Variants in WDR70 observed in about 807,000 individuals in gnomAD.
WDR70 encodes WD repeat domain 70, also known as WD repeat-containing protein 70.
In WDR70, 53 loss-of-function variants were observed where a neutral mutation model predicts 88.6. The observed-to-expected ratio is 0.60, with a 90% CI of 0.48 to 0.75. WDR70 has a LOEUF of 0.75. Ranked by LOEUF, WDR70 falls within the 30% of genes least tolerant of loss-of-function variation. The pLI, the probability that WDR70 is intolerant of heterozygous loss-of-function variation, is 0.00. For missense variants in WDR70, 610 were observed against 823.2 expected, an observed-to-expected ratio of 0.74 and a Z score of 3.17; for synonymous variants, 280 against 270.0, an observed-to-expected ratio of 1.04 and a Z score of -0.36.
intron 10 of WDR70, among the ~76,000 whole-genome samples, chr5:37,637,395 A>C (rs957605128): frequency 4.6e-5 from 7 of 151,580 alleles, no homozygotes; most frequent in Admixed American, 3.9e-4. Context: ...TATAAATAGT[A>C]TTTTAATCTT....
intron 5 of WDR70, among the ~76,000 whole-genome samples, chr5:37,417,805 G>T (rs1030094383): frequency 6.6e-6 from 1 of 152,078 alleles, no homozygotes; most frequent in African/African-American, 2.4e-5. Context: ...CCTTGGCCTC[G>T]CAAAGTCCTG....
Position 37,645,656 on chromosome 5 carries a change from G to A in WDR70, c.1092+40418G>A, listed in dbSNP as rs553583506. On this transcript the variant is annotated intron_variant, in intron 10 of 17. Transcript: ENST00000265107. ...GCTATATACATCTGGGTGCTCCAAT[G>A]TTGGGTGCATATATATTTATAATTG... is the stretch of plus-strand genomic sequence containing the variant. Among the ~76,000 whole-genome samples, 431 of 152,100 alleles carry A rather than the reference G, an allele frequency of 2.8e-3. 3 individuals carry two copies. Among genetic ancestry groups the A allele is most frequent in the African/African-American group, 9.9e-3 (412 of 41,554 alleles).
At chr5:37,456,496 G>C (rs2112093110) in intron 7 of WDR70, among the ~76,000 whole-genome samples, 1 of 152,210 alleles carries the variant, frequency 6.6e-6, no homozygotes, top group South Asian at 2.1e-4. Context: ...TGCTTAGATA[G>C]AAAGAGTTCC....
intron 15 of WDR70, chr5:37,723,890 G>C (rs1208934969): frequency 6.6e-6 from 1 of 152,142 alleles, no homozygotes; most frequent in African/African-American, 2.4e-5. Context: ...CTGAGTGACG[G>C]GTGGCTATGT....
At chr5:37,735,144 G>C (rs1748264240) in intron 17 of WDR70, among the ~76,000 whole-genome samples, 1 of 152,006 alleles carries the variant, frequency 6.6e-6, no homozygotes, top group South Asian at 2.1e-4. Flanking sequence ...AGTCTATTCT[G>C]AGTTTTCTGA....
At chr5:37,591,084 GC>G (rs902891161) in intron 9 of WDR70, among the ~76,000 whole-genome samples, 1 of 152,164 alleles carries the variant, frequency 6.6e-6, no homozygotes, top group Non-Finnish European at 1.5e-5. Context: ...CCCTGTAATT[GC>G]ACTCTGGGAG....
intron 10 of WDR70, among the ~76,000 whole-genome samples, chr5:37,668,342 A>G (rs1224180961): frequency 6.6e-6 from 1 of 152,194 alleles, no homozygotes; most frequent in Non-Finnish European, 1.5e-5. Flanking sequence ...ATGATTCTGT[A>G]TGATGTCTGA....
intron 10 of WDR70, among the ~76,000 whole-genome samples, chr5:37,608,943 C>G (rs1046969665): frequency 6.6e-6 from 1 of 152,168 alleles, no homozygotes; most frequent in African/African-American, 2.4e-5. Flanking sequence ...GCTGTATTCC[C>G]AGAGCAAAGA....
chr5:37,740,755 A>G (rs541841491), intron 17 of WDR70, among the ~76,000 whole-genome samples: 2 of 152,326 alleles, frequency 1.3e-5, no homozygotes, highest in Admixed American at 6.5e-5. Context: ...GATATGAGAA[A>G]TATTTTCCCA....
chr5:37,416,875 A>G (rs1749773094), intron 5 of WDR70, among the ~76,000 whole-genome samples: 1 of 152,156 alleles, frequency 6.6e-6, no homozygotes, highest in Non-Finnish European at 1.5e-5. Context: ...GTGCCCAGCC[A>G]CAGTTACTCT....
chr5:37,448,518 G>A (rs1738569793), intron 7 of WDR70, among the ~76,000 whole-genome samples: 1 of 152,048 alleles, frequency 6.6e-6, no homozygotes, highest in Non-Finnish European at 1.5e-5. Context: ...AAATTACAAG[G>A]TCACTTTGAT....
intron 9 of WDR70, among the ~76,000 whole-genome samples, chr5:37,565,135 A>G (rs946551843): frequency 4.6e-5 from 7 of 152,156 alleles, no homozygotes; most frequent in South Asian, 2.1e-4. Context: ...GTGTTTCAAT[A>G]GTGGCAAATT....
At chr5:37,568,375 C>T (rs778375699) in intron 9 of WDR70, among the ~76,000 whole-genome samples, 20 of 152,136 alleles carry the variant, frequency 1.3e-4, no homozygotes, top group Admixed American at 7.2e-4. Flanking sequence ...TTTGGTTTAG[C>T]CCCTGTTTAT....
intron 5 of WDR70, among the ~76,000 whole-genome samples, chr5:37,409,158 C>T (rs6897083): frequency 2.2e-3 from 339 of 152,106 alleles, no homozygotes; most frequent in African/African-American, 7.5e-3. Context: ...AGGCTGGTCT[C>T]GAACTCCTGA....
At chr5:37,670,427 G>T (rs538198649) in intron 10 of WDR70, among the ~76,000 whole-genome samples, 1 of 152,102 alleles carries the variant, frequency 6.6e-6, no homozygotes, top group Non-Finnish European at 1.5e-5. Context: ...AGCAAGTCGC[G>T]TGTCCATACC....
chr5:37,736,153 T>C (rs577190676), intron 17 of WDR70, among the ~76,000 whole-genome samples: 1 of 152,168 alleles, frequency 6.6e-6, no homozygotes, highest in South Asian at 2.1e-4. Flanking sequence ...CAGAAAGCTA[T>C]TAGCTTACAC....
At position 37,674,803 on chromosome 5, in the gene WDR70, G is replaced by A. The variant is rs377187198; in HGVS notation, c.1093-22852G>A. ...TCTAGTTCTAGATCCCTGAGGAATC[G>A]CCACACTGACTTCCACAATGGTTGA... On this transcript the variant is annotated intron_variant, in intron 10 of 17. Coordinates refer to ENST00000265107, the MANE Select transcript of WDR70 (RefSeq NM_018034.4). 3.6e-4 allele frequency among the ~76,000 whole-genome samples: 54 copies of A among 151,618 alleles called. 2 individuals are homozygous for A. In the South Asian group the frequency reaches 8.8e-3, roughly 25 times the overall value.
At chr5:37,704,582 T>C (rs1330323627) in intron 13 of WDR70, among the ~76,000 whole-genome samples, 2 of 152,240 alleles carry the variant, frequency 1.3e-5, no homozygotes, top group Non-Finnish European at 2.9e-5. Context: ...CTGCCTCATA[T>C]ATTGTATATT....
At chr5:37,488,534 G>T (rs1581330206) in intron 8 of WDR70, among the ~76,000 whole-genome samples, 1 of 121,346 alleles carries the variant, frequency 8.2e-6, no homozygotes, top group African/African-American at 3.0e-5. Flanking sequence ...TGGACTGTTT[G>T]GAAAGACCTG....
Sources: gnomAD v4.1 joint callset for allele counts (sites outside exome capture counted in the v4.1 genomes callset) on GRCh38, gnomAD v4.1.1 for gene constraint, MANE v1.5 for transcripts, NCBI Gene and HGNC (gene_info 2026-07-23, HGNC 2026-07-21) for gene names.